The following PDE8B variants were observed in gnomAD, a reference collection of about 807,000 sequenced individuals.
The protein encoded by PDE8B is phosphodiesterase 8B.
PDE8B carries 26 observed loss-of-function variants against 101.3 expected under a neutral mutation model. The observed-to-expected ratio is 0.26, with a 90% CI of 0.19 to 0.36. PDE8B has a LOEUF of 0.36. Ranked by LOEUF, PDE8B falls within the 10% of genes least tolerant of loss-of-function variation. The pLI, the probability that PDE8B is intolerant of heterozygous loss-of-function variation, is 1.00. For synonymous variants in PDE8B, 424 were observed against 429.3 expected (o/e 0.99, Z 0.15); for missense variants, 810 against 1,163.1 (o/e 0.70, Z 4.42).
At chr5:77,303,809 A>G (rs1273834538) in intron 1 of PDE8B, among the ~76,000 whole-genome samples, 4 of 152,064 alleles carry the variant, frequency 2.6e-5, no homozygotes, top group African/African-American at 9.7e-5. Context: ...AAAACTTGCA[A>G]TTTTTTGTTT....
At chr5:77,145,752 TAAACTG>T in the PDE8B span, 1 of 152,200 alleles carries the variant, frequency 6.6e-6, no homozygotes, top group South Asian at 2.1e-4. Flanking sequence ...ACTGCCAACT[TAAACTG>T]AAAGGGACGG....
At chr5:77,125,873 A>C in the PDE8B span, among the ~76,000 whole-genome samples, 2 of 152,198 alleles carry the variant, frequency 1.3e-5, no homozygotes, top group Non-Finnish European at 2.9e-5. Flanking sequence ...AAAATTCTGG[A>C]GATGGATGGT....
chr5:77,182,314 A>G, the PDE8B span, among the ~76,000 whole-genome samples: 1 of 151,844 alleles, frequency 6.6e-6, no homozygotes, highest in Non-Finnish European at 1.5e-5. Context: ...TTTTAATTCC[A>G]ATCTGTTCAT....
chr5:77,284,671 T>C (rs965621078), intron 1 of PDE8B, among the ~76,000 whole-genome samples: 1 of 152,322 alleles, frequency 6.6e-6, no homozygotes, highest in South Asian at 2.1e-4. Flanking sequence ...ATTCACACTT[T>C]TAAAACCATA....
intron 1 of PDE8B, chr5:77,291,176 C>T (rs1392317699): frequency 6.2e-7 from 1 of 1,610,536 alleles, no homozygotes; most frequent in African/African-American, 1.3e-5. Flanking sequence ...AGAGGTGTAC[C>T]ACTGCGAGGC....
the PDE8B span, among the ~76,000 whole-genome samples, chr5:77,109,773 A>G: frequency 1.3e-5 from 2 of 152,160 alleles, no homozygotes; most frequent in African/African-American, 4.8e-5. Flanking sequence ...AATCTGCCAT[A>G]AACATGTTTA....
chr5:77,388,468 C>A (rs562794314), intron 10 of PDE8B, among the ~76,000 whole-genome samples: 12 of 152,332 alleles, frequency 7.9e-5, no homozygotes, highest in Middle Eastern at 3.4e-3. Flanking sequence ...GGGCACCAGC[C>A]AGATGCCAGC....
chr5:77,302,838 A>T (rs1056255234), intron 1 of PDE8B, among the ~76,000 whole-genome samples: 3 of 152,102 alleles, frequency 2.0e-5, no homozygotes, highest in Non-Finnish European at 4.4e-5. Context: ...GCCCTGTGGG[A>T]TTGCTGTGAC....
At chr5:77,381,750 A>G (rs1787510027) in intron 10 of PDE8B, among the ~76,000 whole-genome samples, 1 of 152,196 alleles carries the variant, frequency 6.6e-6, no homozygotes, top group Non-Finnish European at 1.5e-5. Context: ...ATTTAAGGTC[A>G]TGGGAGAACT....
At chr5:77,368,988 A>T (rs1191685227) in intron 10 of PDE8B, among the ~76,000 whole-genome samples, 2 of 151,720 alleles carry the variant, frequency 1.3e-5, no homozygotes, top group Admixed American at 1.3e-4. Context: ...GGATCACCTG[A>T]GGTTAGGAGT....
At chr5:77,409,982 C>A (rs1380053224) in intron 14 of PDE8B, among the ~76,000 whole-genome samples, 1 of 152,260 alleles carries the variant, frequency 6.6e-6, no homozygotes, top group Non-Finnish European at 1.5e-5. Context: ...CTGCCAAGGG[C>A]TCTGCAAGAA....
At chr5:77,110,337 C>T in the PDE8B span, among the ~76,000 whole-genome samples, 1 of 151,964 alleles carries the variant, frequency 6.6e-6, no homozygotes, top group African/African-American at 2.4e-5. Context: ...GCATCAAGTA[C>T]TGTGAGATAG....
intron 20 of PDE8B, among the ~76,000 whole-genome samples, chr5:77,424,770 T>C (rs1055101110): frequency 1.1e-4 from 16 of 152,164 alleles, no homozygotes; most frequent in Non-Finnish European, 2.2e-4. Context: ...TTAATAACTC[T>C]TACTGCTTCA....
chr5:77,115,742 C>T, the PDE8B span, among the ~76,000 whole-genome samples: 5 of 152,308 alleles, frequency 3.3e-5, no homozygotes, highest in African/African-American at 9.6e-5. Context: ...AGCCACGAGT[C>T]GGCCGTTGCC....
the PDE8B span, among the ~76,000 whole-genome samples, chr5:77,154,780 A>AG: frequency 6.6e-6 from 1 of 152,168 alleles, no homozygotes; most frequent in East Asian, 1.9e-4. Flanking sequence ...CCATCTGAAA[A>AG]GGGGAAAGTC....
At chr5:77,291,559 A>C in intron 1 of PDE8B, 1 of 1,600,256 alleles carries the variant, frequency 6.2e-7, no homozygotes, top group South Asian at 1.1e-5. Flanking sequence ...TCAAGTAGCA[A>C]CTTTACCAAA....
At chr5:77,257,577 C>T (rs1403230230) in intron 1 of PDE8B, among the ~76,000 whole-genome samples, 3 of 152,070 alleles carry the variant, frequency 2.0e-5, no homozygotes, top group Non-Finnish European at 4.4e-5. Flanking sequence ...AATATGTAAA[C>T]ACTGATAGAA....
At chr5:77,421,110 G>A (rs1362373260) in intron 19 of PDE8B, among the ~76,000 whole-genome samples, 1 of 152,150 alleles carries the variant, frequency 6.6e-6, no homozygotes, top group Non-Finnish European at 1.5e-5. Flanking sequence ...ACATGGCTCA[G>A]GACACTGACA....
At chr5:77,133,756 C>T in the PDE8B span, among the ~76,000 whole-genome samples, 3 of 152,142 alleles carry the variant, frequency 2.0e-5, no homozygotes, top group Admixed American at 1.3e-4. Flanking sequence ...TATTTAGCTG[C>T]ATATAATAGG....
Sources: allele counts gnomAD v4.1 joint callset (sites outside exome capture counted in the v4.1 genomes callset), GRCh38; gene constraint gnomAD v4.1.1; transcripts MANE v1.5; gene names NCBI Gene and HGNC (gene_info 2026-07-23, HGNC 2026-07-21).